The following ABL2 variants were observed in gnomAD, a reference collection of about 807,000 sequenced individuals.
ABL2 encodes the protein ABL proto-oncogene 2, non-receptor tyrosine kinase.
A neutral mutation model predicts 107.7 loss-of-function variants in ABL2; 49 were observed. The ratio of observed to expected loss-of-function variants is 0.45; its 90% confidence interval spans 0.36 to 0.58. The LOEUF (loss-of-function observed/expected upper bound fraction) is 0.58. Among genes scored for constraint, ABL2 ranks in the 20% least tolerant of loss-of-function variants. The pLI is 0.00. For synonymous variants in ABL2, 549 were observed against 548.6 expected (o/e 1.00, Z -0.01); for missense variants, 1,245 against 1,457.0 (o/e 0.85, Z 2.37).
intron 1 of ABL2, among the ~76,000 whole-genome samples, chr1:179,188,297 T>A (rs563813706): frequency 4.8e-4 from 73 of 152,126 alleles, no homozygotes; most frequent in Admixed American, 1.7e-3. Flanking sequence ...ATCCCAGCAC[T>A]GTGGGAAGCC....
At chr1:179,223,217 C>G (rs1007835791) in intron 1 of ABL2, among the ~76,000 whole-genome samples, 1 of 151,372 alleles carries the variant, frequency 6.6e-6, no homozygotes, top group Non-Finnish European at 1.5e-5. Flanking sequence ...AATTTAAGAC[C>G]AGCCTGGCCC....
intron 6 of ABL2, 63 bp from the exon 7 acceptor site, chr1:179,118,827 G>A (rs545502366): frequency 2.0e-6 from 3 of 1,531,902 alleles, no homozygotes; most frequent in East Asian, 4.6e-5. Context: ...AAACCACTTT[G>A]GCCAAGAATA....
chr1:179,166,776 CAAAA>C (rs34173352), intron 1 of ABL2, among the ~76,000 whole-genome samples: 2 of 75,390 alleles, frequency 2.7e-5, no homozygotes, highest in Non-Finnish European at 4.8e-5. Flanking sequence ...GACTTCATCT[CAAAA>C]AAAAAAAAAA....
At chr1:179,216,450 T>C (rs1000602255) in intron 1 of ABL2, among the ~76,000 whole-genome samples, 8 of 152,190 alleles carry the variant, frequency 5.3e-5, no homozygotes, top group Non-Finnish European at 1.2e-4. Flanking sequence ...CTCTTTTTAG[T>C]TGTTTCGTAA....
chr1:179,154,713 G>T (rs951642709), intron 1 of ABL2, among the ~76,000 whole-genome samples: 5 of 152,182 alleles, frequency 3.3e-5, no homozygotes, highest in Non-Finnish European at 7.3e-5. Context: ...GGATTCTTGT[G>T]TTCTGGCCAA....
rs112161547 is a variant in ABL2 at position 179,219,690 on chromosome 1, A to C, written c.157+9551T>G. ...AGGAAGGTAGACCTAAAGTGATTTC[A>C]GATTCTCCTGTGATTTCAGATCCCC... On this transcript the variant is annotated intron_variant, in intron 1 of 11. Transcript: ENST00000502732. Among the ~76,000 whole-genome samples the C allele has an allele frequency of 1.5e-3, 221 of 152,358 alleles. 1 individual carries two copies. The highest frequency in any genetic ancestry group is 5.2e-3 in the African/African-American group (216 of 41,584).
At chr1:179,116,603 C>T (rs1445935915) in intron 8 of ABL2, among the ~76,000 whole-genome samples, 1 of 151,418 alleles carries the variant, frequency 6.6e-6, no homozygotes, top group African/African-American at 2.4e-5. Context: ...CTCCACCTCC[C>T]GGGTTCAAGT....
chr1:179,218,047 T>C (rs962428166), intron 1 of ABL2, among the ~76,000 whole-genome samples: 2 of 152,172 alleles, frequency 1.3e-5, no homozygotes, highest in African/African-American at 4.8e-5. Context: ...AAACAGATAT[T>C]GAGTACTTAG....
intron 8 of ABL2, 41 bp downstream of exon 8, chr1:179,117,291 A>G (rs371925354): frequency 6.3e-7 from 1 of 1,591,770 alleles, no homozygotes; most frequent in South Asian, 1.1e-5. Flanking sequence ...TTATAAAAAA[A>G]AAAATAAAAT....
In ABL2 at chr1:179,201,965, C is replaced by T. The variant is rs1183064881; in HGVS notation, c.157+27276G>A. 1.1e-5 allele frequency: 12 copies of T among 1,130,418 alleles called. No individual in the cohort carries two copies. In the East Asian group the frequency reaches 5.2e-4, roughly 49 times the overall value. The allele number at this position is 1,130,418 out of a possible 1,614,324, so 70.0% of individuals were successfully genotyped here. The stretch of plus-strand genomic sequence containing the variant: ...CACCCAACCCCAGCCAGGGCTCAAT[C>T]TCAGGGGTCCGAGGAACAGCAGGAG... On this transcript the variant is annotated intron_variant, in intron 1 of 11. Coordinates refer to ENST00000502732, the MANE Select transcript of ABL2 (RefSeq NM_007314.4).
intron 1 of ABL2, among the ~76,000 whole-genome samples, chr1:179,139,676 C>T (rs1481205360): frequency 1.3e-5 from 2 of 152,152 alleles, no homozygotes; most frequent in Non-Finnish European, 2.9e-5. Context: ...CCCTGGGCCA[C>T]AGACAGGTCT....
chr1:179,189,006 TA>T (rs1660848282), intron 1 of ABL2, among the ~76,000 whole-genome samples: 1 of 152,214 alleles, frequency 6.6e-6, no homozygotes, highest in Admixed American at 6.5e-5. Flanking sequence ...TGTAACATGT[TA>T]ATTTAACAGG....
chr1:179,143,045 A>G (rs1474752066), intron 1 of ABL2: 1 of 1,613,724 alleles, frequency 6.2e-7, no homozygotes, highest in Admixed American at 1.7e-5. Flanking sequence ...CAAGGACCAT[A>G]CCTCTGCCCA....
intron 3 of ABL2, among the ~76,000 whole-genome samples, chr1:179,130,069 A>G (rs1479849220): frequency 6.6e-6 from 1 of 152,212 alleles, no homozygotes; most frequent in African/African-American, 2.4e-5. Context: ...CCTCCTGAGT[A>G]GCTAGGACTA....
At chr1:179,130,322 T>G (rs1305145049) in intron 3 of ABL2, among the ~76,000 whole-genome samples, 1 of 152,268 alleles carries the variant, frequency 6.6e-6, no homozygotes, top group Non-Finnish European at 1.5e-5. Context: ...CGAACTTGAC[T>G]GCCTATCTGA....
At chr1:179,204,517 G>A (rs188074262) in intron 1 of ABL2, among the ~76,000 whole-genome samples, 20 of 151,814 alleles carry the variant, frequency 1.3e-4, no homozygotes, top group African/African-American at 2.2e-4. Context: ...AGGCCGAGGC[G>A]GGCAGATCAC....
chr1:179,187,911 A>T (rs1660766515), intron 1 of ABL2, among the ~76,000 whole-genome samples: 1 of 152,144 alleles, frequency 6.6e-6, no homozygotes. Flanking sequence ...TTCCCATCCC[A>T]CTCAGAATAA....
chr1:179,207,936 G>A (rs116544446), intron 1 of ABL2, among the ~76,000 whole-genome samples: 1 of 152,198 alleles, frequency 6.6e-6, no homozygotes, highest in Non-Finnish European at 1.5e-5. Context: ...AACAAGGTCA[G>A]TAAAGTCATT....
At chr1:179,224,520 C>T (rs550637307) in intron 1 of ABL2, among the ~76,000 whole-genome samples, 166 of 152,106 alleles carry the variant, frequency 1.1e-3, no homozygotes, top group South Asian at 3.7e-3. Context: ...CTGCCCACGT[C>T]GGCCTCCCAA....
Sources: allele counts gnomAD v4.1 joint callset (sites outside exome capture counted in the v4.1 genomes callset), GRCh38; gene constraint gnomAD v4.1.1; transcripts MANE v1.5; gene names NCBI Gene and HGNC (gene_info 2026-07-23, HGNC 2026-07-21).